The following IMMP2L variants were observed in gnomAD, a reference collection of about 807,000 sequenced individuals.
The protein encoded by IMMP2L is inner mitochondrial membrane peptidase subunit 2, also known as mitochondrial inner membrane protease subunit 2.
Under a neutral mutation model 19.3 loss-of-function variants are expected in IMMP2L, and 18 were observed. The observed-to-expected ratio is 0.93, with a 90% CI of 0.64 to 1.38. The LOEUF is 1.38. IMMP2L is among the 40% of genes most tolerant of loss of function. The probability of loss-of-function intolerance (pLI) is 0.00; values close to 1 mark genes in which losing one functional copy is unlikely to be tolerated. For missense variants in IMMP2L, 233 were observed against 218.2 expected, an observed-to-expected ratio of 1.07 and a Z score of -0.43; for synonymous variants, 76 against 73.0, an observed-to-expected ratio of 1.04 and a Z score of -0.21.
chr7:110,962,964 C>CA (rs1819124859), intron 4 of IMMP2L: 1 of 1,456,806 alleles, frequency 6.9e-7, no homozygotes, highest in African/African-American at 1.4e-5. Context: ...TCAGCAAGTA[C>CA]AATAAATACG....
chr7:111,215,878 A>G (rs956010286), intron 3 of IMMP2L, among the ~76,000 whole-genome samples: 2 of 152,070 alleles, frequency 1.3e-5, no homozygotes, highest in African/African-American at 2.4e-5. Flanking sequence ...AGGCTGTTAG[A>G]ATTTGTATTT....
At chr7:111,197,956 G>GA (rs1809683362) in intron 3 of IMMP2L, among the ~76,000 whole-genome samples, 1 of 151,960 alleles carries the variant, frequency 6.6e-6, no homozygotes, top group South Asian at 2.1e-4. Context: ...AAAGAAGGAG[G>GA]AAAAAACATT....
intron 3 of IMMP2L, among the ~76,000 whole-genome samples, chr7:110,978,041 CAAT>C (rs1262647175): frequency 6.6e-6 from 1 of 151,800 alleles, no homozygotes; most frequent in African/African-American, 2.4e-5. Context: ...AAAATGAAAG[CAAT>C]AATATTTTAT....
chr7:110,884,519 G>A (rs1246207748), intron 5 of IMMP2L, among the ~76,000 whole-genome samples: 1 of 151,966 alleles, frequency 6.6e-6, no homozygotes, highest in Non-Finnish European at 1.5e-5. Flanking sequence ...CATATCATGG[G>A]ACGATAGGAC....
intron 4 of IMMP2L, among the ~76,000 whole-genome samples, chr7:110,927,177 CTCTG>C (rs1814948049): frequency 6.6e-6 from 1 of 152,106 alleles, no homozygotes; most frequent in Non-Finnish European, 1.5e-5. Context: ...TTCCCCCTCT[CTCTG>C]TCTCTTTGTC....
At chr7:111,004,523 A>G (rs1364928481) in intron 3 of IMMP2L, among the ~76,000 whole-genome samples, 1 of 152,096 alleles carries the variant, frequency 6.6e-6, no homozygotes, top group Non-Finnish European at 1.5e-5. Context: ...AACTGGATAA[A>G]TGTCAGTCAA....
intron 3 of IMMP2L, among the ~76,000 whole-genome samples, chr7:110,981,872 A>T (rs1015490237): frequency 6.6e-6 from 1 of 152,022 alleles, no homozygotes; most frequent in South Asian, 2.1e-4. Context: ...CCACTTTCTC[A>T]TTTCGAAGAG....
chr7:110,910,881 A>C (rs1471265804), intron 4 of IMMP2L, among the ~76,000 whole-genome samples: 1 of 152,072 alleles, frequency 6.6e-6, no homozygotes, highest in Non-Finnish European at 1.5e-5. Context: ...ATCGGGGAAG[A>C]TATTGTTGAT....
At chr7:110,871,798 GT>G (rs1563042003) in intron 5 of IMMP2L, among the ~76,000 whole-genome samples, 1 of 152,058 alleles carries the variant, frequency 6.6e-6, no homozygotes, top group Non-Finnish European at 1.5e-5. Context: ...AAACAATATA[GT>G]TTTTTTAAGT....
At chr7:111,465,516 A>AT (rs1264633826) in intron 3 of IMMP2L, among the ~76,000 whole-genome samples, 1 of 151,318 alleles carries the variant, frequency 6.6e-6, no homozygotes. Flanking sequence ...AAAAAAAAAA[A>AT]AAAAAAAAAT....
chr7:110,746,813 A>G (rs890859729), intron 5 of IMMP2L, among the ~76,000 whole-genome samples: 4 of 152,230 alleles, frequency 2.6e-5, no homozygotes, highest in Admixed American at 1.3e-4. Flanking sequence ...AAGATCTAAA[A>G]TCGACATCCT....
intron 5 of IMMP2L, among the ~76,000 whole-genome samples, chr7:110,720,657 T>A (rs1795509979): frequency 6.6e-6 from 1 of 152,214 alleles, no homozygotes; most frequent in Non-Finnish European, 1.5e-5. Context: ...AATATGATAC[T>A]GGCTGGGGCC....
intron 3 of IMMP2L, among the ~76,000 whole-genome samples, chr7:111,368,374 A>AAT (rs1433103681): frequency 7.2e-5 from 11 of 151,968 alleles, no homozygotes; most frequent in Admixed American, 6.6e-4. Context: ...TGCTCAGTCC[A>AAT]ATGGTATAGG....
At chr7:111,512,480 T>G (rs1845537391) in intron 2 of IMMP2L, among the ~76,000 whole-genome samples, 1 of 151,872 alleles carries the variant, frequency 6.6e-6, no homozygotes, top group Non-Finnish European at 1.5e-5. Flanking sequence ...TTTAATACTA[T>G]TTATTGATAT....
At chr7:110,786,854 G>C (rs1032587898) in intron 5 of IMMP2L, among the ~76,000 whole-genome samples, 1 of 151,914 alleles carries the variant, frequency 6.6e-6, no homozygotes, top group Non-Finnish European at 1.5e-5. Context: ...TTTTAATCAG[G>C]CATTTCTCCA....
Position 111,114,479 on chromosome 7 carries a change from T to C in IMMP2L, c.240-150914A>G, listed in dbSNP as rs1290389319. On this transcript the variant is annotated intron_variant, in intron 3 of 5. Transcript: ENST00000405709. ...TTGGCTGGGCACAGTGACCCACACC[T>C]GTAATCCCAGCACTTTGTGAGTTCA... Among the ~76,000 whole-genome samples the C allele has an allele frequency of 2.6e-5, 4 of 152,236 alleles. No individual in the cohort carries two copies. The East Asian group carries it at 7.7e-4, about 29-fold the overall frequency.
chr7:111,184,352 T>C (rs895914059), intron 3 of IMMP2L, among the ~76,000 whole-genome samples: 1 of 152,056 alleles, frequency 6.6e-6, no homozygotes. Flanking sequence ...GTATCATCAT[T>C]TACAAAAATT....
intron 5 of IMMP2L, among the ~76,000 whole-genome samples, chr7:110,810,097 C>A (rs569962228): frequency 3.3e-5 from 5 of 152,186 alleles, no homozygotes; most frequent in Non-Finnish European, 7.4e-5. Context: ...GCTTCCATCT[C>A]GTTCCCAACT....
chr7:111,120,005 G>C (rs1416459015), intron 3 of IMMP2L, among the ~76,000 whole-genome samples: 1 of 152,144 alleles, frequency 6.6e-6, no homozygotes, highest in Non-Finnish European at 1.5e-5. Flanking sequence ...AACAAAGAAA[G>C]AAGTATTCCA....
Sources: gnomAD v4.1 joint callset for allele counts (sites outside exome capture counted in the v4.1 genomes callset) on GRCh38, gnomAD v4.1.1 for gene constraint, MANE v1.5 for transcripts, NCBI Gene and HGNC (gene_info 2026-07-23, HGNC 2026-07-21) for gene names.